Variants in CTC1 observed in about 807,000 individuals in gnomAD.
CTC1 encodes CST telomere replication complex component 1.
Under a neutral mutation model 136.3 loss-of-function variants are expected in CTC1, and 91 were observed. That is an observed-to-expected ratio of 0.67 (90% CI 0.56 to 0.79). CTC1 has a LOEUF of 0.79. CTC1 is among the 30% of genes least tolerant of loss of function. The probability of loss-of-function intolerance (pLI) is 0.00; values close to 1 mark genes in which losing one functional copy is unlikely to be tolerated. For synonymous variants in CTC1, 606 were observed against 613.8 expected (o/e 0.99, Z 0.19); for missense variants, 1,432 against 1,498.1 (o/e 0.96, Z 0.73).
At chr17:8,244,180 C>T (rs1048373757) in intron 1 of CTC1, among the ~76,000 whole-genome samples, 1 of 152,194 alleles carries the variant, frequency 6.6e-6, no homozygotes, top group Non-Finnish European at 1.5e-5. Context: ...TTAATCATCT[C>T]CTTTTTTTAT....
chr17:8,229,515 G>GGGTGGGTCTA, intron 18 of CTC1, 69 bp from the exon 19 acceptor site: 1 of 1,453,220 alleles, frequency 6.9e-7, no homozygotes, highest in African/African-American at 1.4e-5. Context: ...TCTGAAAGCA[G>GGGTGGGTCTA]GGTGGGTCTA....
chr17:8,246,056 G>A (rs149971655), intron 1 of CTC1, among the ~76,000 whole-genome samples: 93 of 125,406 alleles, frequency 7.4e-4, no homozygotes, highest in African/African-American at 1.2e-3. Context: ...AATTAGCTGG[G>A]TTAGCCTGGC....
chr17:8,233,118 T>C, intron 10 of CTC1, 86 bp from the exon 11 acceptor site: 1 of 1,447,538 alleles, frequency 6.9e-7, no homozygotes. Context: ...TATTACATGG[T>C]AAAGCTACAA....
chr17:8,244,110 C>G (rs910223214), intron 1 of CTC1, among the ~76,000 whole-genome samples: 5 of 152,138 alleles, frequency 3.3e-5, no homozygotes, highest in Non-Finnish European at 5.9e-5. Flanking sequence ...TAGTGCCATA[C>G]TATGTATAAG....
In CTC1 at chr17:8,227,052, G is replaced by A. The variant is rs1361234807; in HGVS notation, c.*1128C>T. On this transcript the variant is annotated 3_prime_UTR_variant, in exon 23 of 23. Coordinates refer to ENST00000651323, the MANE Select transcript of CTC1 (RefSeq NM_025099.6). ...TATTAGCACCACGCTCTAACCAACT[G>A]AGCTAACCGGCCACTAACTTTCCGG... 1.3e-5 allele frequency: 2 copies of A among 151,026 alleles called. No homozygotes were observed. Among genetic ancestry groups the A allele is most frequent in the African/African-American group, 2.5e-5 (1 of 40,108 alleles). 9.4% of individuals were successfully genotyped at this position (151,026 alleles called of 1,614,324 possible). A position where few individuals can be genotyped will look rare whatever the true frequency, so the allele number is the denominator to read the frequency against.
chr17:8,238,276 C>G (rs762349373), intron 3 of CTC1, 34 bp from the exon 4 acceptor site: 1 of 1,573,500 alleles, frequency 6.4e-7, no homozygotes, highest in South Asian at 1.2e-5. Flanking sequence ...TTAATCAGAA[C>G]CTTAGCATCC....
intron 2 of CTC1, among the ~76,000 whole-genome samples, chr17:8,239,643 A>G (rs1271210910): frequency 6.6e-6 from 1 of 151,866 alleles, no homozygotes; most frequent in African/African-American, 2.4e-5. Context: ...GCTGGTCTCA[A>G]ACTCCTGACC....
chr17:8,230,856 C>A (rs1987156634), intron 15 of CTC1: 1 of 582,684 alleles, frequency 1.7e-6, no homozygotes, highest in Non-Finnish European at 3.0e-6. Context: ...CATTCAAAAC[C>A]CGCACAAGGT....
rs767351989 is a variant in CTC1 at position 8,237,360 on chromosome 17, GACCCCAGTCCTCACCTGC to G, written c.789_792+14del. 6.2e-7 allele frequency: 1 copy of G among 1,612,906 alleles called. No homozygotes were observed. The highest frequency in any genetic ancestry group is 8.5e-7 in the Non-Finnish European group (1 of 1,179,234). ...CCTCCCCCACTTCCATGGCTGAAAT[GACCCCAGTCCTCACCTGC>G]ACGATGATGGACACGTGGGTGACAG... is the stretch of plus-strand genomic sequence containing the variant. On this transcript the variant is annotated splice_donor_variant and splice_donor_5th_base_variant and coding_sequence_variant and intron_variant, in exon 5 of 23. Transcript: ENST00000651323. LOFTEE classifies it high-confidence loss of function.
At position 8,233,000 on chromosome 17, in the gene CTC1, A is replaced by T; in HGVS notation, c.1851T>A (p.His617Gln). Residue 617 changes from histidine (H) to glutamine (Q), a missense_variant, in exon 11 of 23, where the codon CAT becomes CAA. Physicochemically the swap from His to Gln is conservative, Grantham distance 24 (BLOSUM62 0). Coordinates refer to ENST00000651323, the MANE Select transcript of CTC1 (RefSeq NM_025099.6). ...VLLGVLVASS[H>Q]KGCLQLRDQS... ...GGTCCCGAAGTTGCAGACAACCTTT[A>T]TGAGATGAAGCCACCAGAACCCCAA... 6.2e-7 allele frequency: 1 copy of T among 1,614,192 alleles called. No homozygotes were observed. Among genetic ancestry groups the T allele is most frequent in the Non-Finnish European group, 8.5e-7 (1 of 1,180,036 alleles).
At chr17:8,245,957 T>C (rs1182554809) in intron 1 of CTC1, among the ~76,000 whole-genome samples, 1 of 138,296 alleles carries the variant, frequency 7.2e-6, no homozygotes, top group African/African-American at 2.6e-5. Context: ...TAGTCCCAGC[T>C]ACTTGGGAGG....
rs531072065 is a variant in CTC1, at chr17:8,225,297, C to T, written c.*2883G>A. On this transcript the variant is annotated 3_prime_UTR_variant, in exon 23 of 23. Coordinates refer to ENST00000651323, the MANE Select transcript of CTC1 (RefSeq NM_025099.6). ...AACGTGCCTTGTTCATTTGGTTCTGCACAGGGTCCAGCCCAGTGCTTGGCA... is the reference window on the plus strand; with the variant it reads ...AACGTGCCTTGTTCATTTGGTTCTGTACAGGGTCCAGCCCAGTGCTTGGCA... The T allele has an allele frequency of 6.6e-6, 1 of 152,392 alleles. No homozygotes were observed. The highest frequency in any genetic ancestry group is 6.5e-5 in the Admixed American group (1 of 15,308). 9.4% of individuals were successfully genotyped at this position (152,392 alleles called of 1,614,324 possible).
In CTC1 at chr17:8,248,043, C is replaced by G. The variant is rs1352572309; in HGVS notation, c.-7G>C. Reference sequence around the variant, plus strand: ...GGGCCCGGCCAGCCGCCATGATGCGCCGGAGCTCCGCCCCCGGGAGGGGCA... The same window carrying G: ...GGGCCCGGCCAGCCGCCATGATGCGGCGGAGCTCCGCCCCCGGGAGGGGCA... On this transcript the variant is annotated 5_prime_UTR_variant, in exon 1 of 23. Coordinates refer to ENST00000651323, the MANE Select transcript of CTC1 (RefSeq NM_025099.6). 1 of 1,492,850 alleles carries G rather than the reference C, an allele frequency of 6.7e-7. No individual in the cohort carries two copies. Among genetic ancestry groups the G allele is most frequent in the Non-Finnish European group, 9.1e-7 (1 of 1,102,724 alleles). 92.5% of individuals were successfully genotyped at this position (1,492,850 alleles called of 1,614,324 possible).
At position 8,228,637 on chromosome 17, in the gene CTC1, G is replaced by A. The variant is rs756665311; in HGVS notation, c.3388-8C>T. The A allele has an allele frequency of 1.7e-5, 28 of 1,614,078 alleles. No individual in the cohort carries two copies. Among genetic ancestry groups the A allele is most frequent in the Non-Finnish European group, 2.2e-5 (26 of 1,180,040 alleles). On this transcript the variant is annotated splice_polypyrimidine_tract_variant and splice_region_variant and intron_variant, in intron 21 of 22. Coordinates refer to ENST00000651323, the MANE Select transcript of CTC1 (RefSeq NM_025099.6). ...GTCAACCCTGGCTGAAGACTAGAAA[G>A]AGAAGGTCAAGGTTAACTGGCTCCT...
intron 10 of CTC1, 75 bp downstream of exon 10, chr17:8,234,380 T>G (rs1987504540): frequency 2.9e-6 from 4 of 1,375,224 alleles, no homozygotes; most frequent in Admixed American, 2.0e-5. Flanking sequence ...AGAAAGATAG[T>G]AACCGAGACT....
chr17:8,238,036 C>G lies in CTC1; in HGVS notation c.642G>C (p.Arg214Ser). The stretch of plus-strand genomic sequence containing the variant: ...TGCCTAGAGGGGGAAATTACCTGAG[C>G]CTGAGCAGGCAGGAAGCACTCTCTG... The part of the protein sequence containing the change: ...LYPESASCLL[R>S]LRNKLRGVQR... Residue 214 changes from arginine to serine, a missense_variant, in exon 4 of 23, where the codon AGG becomes AGC. Transcript: ENST00000651323. 1 of 1,612,514 alleles carries G rather than the reference C, an allele frequency of 6.2e-7. No individual in the cohort carries two copies. The highest frequency in any genetic ancestry group is 8.5e-7 in the Non-Finnish European group (1 of 1,178,844).
Position 8,227,986 on chromosome 17 carries a change from C to T in CTC1, c.*194G>A. On this transcript the variant is annotated 3_prime_UTR_variant, in exon 23 of 23. Coordinates refer to ENST00000651323, the MANE Select transcript of CTC1 (RefSeq NM_025099.6). ...CAATCAGAGGACATATTAATAGGGC[C>T]ATGATTTCCTGTTGCCACAATTTTG... The T allele has an allele frequency of 1.7e-6, 1 of 576,446 alleles. No homozygotes were observed. The highest frequency in any genetic ancestry group is 3.1e-6 in the Non-Finnish European group (1 of 325,540). The allele number at this position is 576,446 out of a possible 1,614,324, so 35.7% of individuals were successfully genotyped here.
intron 15 of CTC1, chr17:8,230,921 A>G: frequency 2.0e-6 from 1 of 511,828 alleles, no homozygotes; most frequent in Non-Finnish European, 3.5e-6. Flanking sequence ...AGGCTCACTT[A>G]AGGTCAAGAA....
intron 5 of CTC1, 96 bp from the exon 6 acceptor site, chr17:8,236,438 G>A (rs867710788): frequency 2.3e-6 from 3 of 1,318,782 alleles, no homozygotes; most frequent in African/African-American, 2.9e-5. Context: ...TCAGAGACCT[G>A]CCCTCTGTGA....
Sources: allele counts gnomAD v4.1 joint callset (sites outside exome capture counted in the v4.1 genomes callset), GRCh38; gene constraint gnomAD v4.1.1; transcripts MANE v1.5; gene names NCBI Gene and HGNC (gene_info 2026-07-23, HGNC 2026-07-21).